RNASEH2B: variants seen among roughly 807,000 people sequenced by gnomAD.
RNASEH2B encodes the protein ribonuclease H2 subunit B.
A neutral mutation model predicts 45.0 loss-of-function variants in RNASEH2B; 36 were observed. The ratio of observed to expected loss-of-function variants is 0.80; its 90% CI spans 0.61 to 1.06. RNASEH2B has a LOEUF of 1.06. RNASEH2B is among the 50% of genes least tolerant of loss of function. The probability of loss-of-function intolerance (pLI) is 0.00; values close to 1 mark genes in which losing one functional copy is unlikely to be tolerated. For missense variants in RNASEH2B, 361 were observed against 360.3 expected, an observed-to-expected ratio of 1.00 and a Z score of -0.02; for synonymous variants, 119 against 125.7, an observed-to-expected ratio of 0.95 and a Z score of 0.35.
chr13:50,948,054 A>C lies in RNASEH2B; in HGVS notation c.684A>C (p.Leu228Phe). Residue 228 changes from leucine to phenylalanine, a missense_variant, in exon 8 of 11, where the codon TTA becomes TTC. By Grantham distance (22) the Leu-to-Phe change is conservative. Coordinates refer to ENST00000336617, the MANE Select transcript of RNASEH2B (RefSeq NM_024570.4). Reference protein sequence around the residue: ...DYIPKELSDDLSKYLKLPEPS... With the variant: ...DYIPKELSDDFSKYLKLPEPS... ...TCCCTAAAGAATTAAGTGATGACTT[A>C]TCTAAATACTTAAAGTGAGTATTGA... is the stretch of plus-strand genomic sequence containing the variant. 6.2e-7 allele frequency: 1 copy of C among 1,611,366 alleles called. No individual in the cohort carries two copies. The highest frequency in any genetic ancestry group is 8.5e-7 in the Non-Finnish European group (1 of 1,179,200).
At chr13:50,913,526 T>G (rs943013208) in intron 1 of RNASEH2B, among the ~76,000 whole-genome samples, 1 of 151,820 alleles carries the variant, frequency 6.6e-6, no homozygotes, top group African/African-American at 2.4e-5. Flanking sequence ...TCAGGCCTGT[T>G]AAAACAAAAC....
intron 6 of RNASEH2B, among the ~76,000 whole-genome samples, chr13:50,944,255 G>A (rs1241974827): frequency 1.3e-5 from 2 of 152,056 alleles, no homozygotes; most frequent in Admixed American, 6.5e-5. Context: ...TAAGAATCTC[G>A]CTAAACCATA....
chr13:50,960,406 G>A (rs1398868648), downstream of RNASEH2B, among the ~76,000 whole-genome samples: 5 of 152,016 alleles, frequency 3.3e-5, no homozygotes, highest in Non-Finnish European at 5.9e-5. Context: ...AATAATAGCC[G>A]TCTTTGTCTA....
At chr13:50,946,822 T>C (rs1023886184) in intron 7 of RNASEH2B, among the ~76,000 whole-genome samples, 29 of 152,156 alleles carry the variant, frequency 1.9e-4, no homozygotes, top group Admixed American at 1.5e-3. Flanking sequence ...TTTAGATATT[T>C]AGGTTGGTTT....
Position 50,927,426 on chromosome 13 carries a change from A to T in RNASEH2B, c.84A>T (p.Ser28=). ...FLVSEYLKDA[S]KKMKNGLMFV... Reference sequence around the variant, plus strand: ...TTTCAGAATATTTAAAAGATGCTTCAAAGAAGATGAAAAATGGGCTAATGT... The same window carrying T: ...TTTCAGAATATTTAAAAGATGCTTCTAAGAAGATGAAAAATGGGCTAATGT... Residue 28 remains serine, a synonymous_variant, in exon 2 of 11, where the codon TCA becomes TCT. Coordinates refer to ENST00000336617, the MANE Select transcript of RNASEH2B (RefSeq NM_024570.4). 1 of 1,596,508 alleles carries T rather than the reference A, an allele frequency of 6.3e-7. No individual in the cohort carries two copies. The highest frequency in any genetic ancestry group is 8.6e-7 in the Non-Finnish European group (1 of 1,164,204).
At chr13:50,968,768 G>A (rs1952190288) in intron 9 of RNASEH2B, among the ~76,000 whole-genome samples, 1 of 152,186 alleles carries the variant, frequency 6.6e-6, no homozygotes, top group African/African-American at 2.4e-5. Flanking sequence ...ACATTTGCAT[G>A]TCAAATCTTT....
At chr13:50,943,529 C>A in intron 6 of RNASEH2B, 135 bp downstream of exon 6, 1 of 703,010 alleles carries the variant, frequency 1.4e-6, no homozygotes, top group Non-Finnish European at 2.6e-6. Flanking sequence ...TGTAGAGATA[C>A]CAAGTATGAG....
chr13:50,953,740 G>A, intron 9 of RNASEH2B, 165 bp from the exon 10 acceptor site: 1 of 627,058 alleles, frequency 1.6e-6, no homozygotes, highest in Admixed American at 2.7e-5. Flanking sequence ...TTCCCTAGAT[G>A]ATTGGCAAAA....
chr13:50,912,892 T>C (rs775847165), intron 1 of RNASEH2B: 1 of 152,232 alleles, frequency 6.6e-6, no homozygotes, highest in Non-Finnish European at 1.5e-5. Flanking sequence ...GATACTTTTT[T>C]CCAACATTTA....
chr13:50,960,962 CT>C (rs1401203966), downstream of RNASEH2B, among the ~76,000 whole-genome samples: 1 of 152,094 alleles, frequency 6.6e-6, no homozygotes, highest in Non-Finnish European at 1.5e-5. Flanking sequence ...CTTTGTCTTA[CT>C]TGACATTTTT....
At chr13:50,929,377 G>T in intron 2 of RNASEH2B, 98 bp from the exon 3 acceptor site, 1 of 772,518 alleles carries the variant, frequency 1.3e-6, no homozygotes, top group South Asian at 1.4e-5. Context: ...TTCATATTAG[G>T]AACATTCGTC....
exon 10 of RNASEH2B, chr13:50,969,959 A>C (rs1392793824): frequency 6.4e-7 from 1 of 1,551,634 alleles, no homozygotes; most frequent in East Asian, 2.4e-5. Context: ...GAAAAGGGGC[A>C]AGTGATGGTG....
chr13:50,945,652 TCA>T (rs1263202329), intron 7 of RNASEH2B, 120 bp downstream of exon 7: 25 of 710,984 alleles, frequency 3.5e-5, no homozygotes, highest in Admixed American at 8.0e-5. Flanking sequence ...TACCAATGCC[TCA>T]TACACATTGT....
chr13:50,927,844 A>G (rs568719913), intron 2 of RNASEH2B, among the ~76,000 whole-genome samples: 1 of 152,272 alleles, frequency 6.6e-6, no homozygotes, highest in South Asian at 2.1e-4. Flanking sequence ...TTTATCTTAT[A>G]AAGTAAAATA....
At chr13:50,962,121 C>CT (rs1324134370) in intron 9 of RNASEH2B, among the ~76,000 whole-genome samples, 1 of 151,776 alleles carries the variant, frequency 6.6e-6, no homozygotes. Flanking sequence ...TTGTTAAGTA[C>CT]TTTTTTGTAT....
At chr13:50,970,416 A>G (rs1430450336) in exon 10 of RNASEH2B, 2 of 280,196 alleles carry the variant, frequency 7.1e-6, no homozygotes, top group African/African-American at 4.5e-5. Context: ...AAACGTTGGC[A>G]TTTTATCTCT....
In RNASEH2B at chr13:50,929,416, G is replaced by T. The variant is rs1334393903; in HGVS notation, c.137-59G>T. On this transcript the variant is annotated intron_variant, in intron 2 of 10. Coordinates refer to ENST00000336617, the MANE Select transcript of RNASEH2B (RefSeq NM_024570.4). ...GATACTGGATAGTCTTTTGGGGTGTGTGTGTGTTTGTGTGTGTGTGTGAAA... is the reference window on the plus strand; with the variant it reads ...GATACTGGATAGTCTTTTGGGGTGTTTGTGTGTTTGTGTGTGTGTGTGAAA... The T allele has an allele frequency of 4.1e-6, 4 of 976,764 alleles. No homozygotes were observed. In the Admixed American group the frequency reaches 7.0e-5, roughly 17 times the overall value. 60.5% of individuals were successfully genotyped at this position (976,764 alleles called of 1,614,324 possible).
downstream of RNASEH2B, among the ~76,000 whole-genome samples, chr13:50,961,061 G>A (rs1420357315): frequency 1.3e-5 from 2 of 152,124 alleles, no homozygotes; most frequent in Non-Finnish European, 2.9e-5. Context: ...GGCACCTCCA[G>A]GAGTAATATG....
At chr13:50,946,954 G>T (rs1331676603) in intron 7 of RNASEH2B, among the ~76,000 whole-genome samples, 1 of 152,172 alleles carries the variant, frequency 6.6e-6, no homozygotes, top group Non-Finnish European at 1.5e-5. Context: ...AGGGTCAAAT[G>T]ATAACTTTCA....
Sources: gnomAD v4.1 joint callset for allele counts (sites outside exome capture counted in the v4.1 genomes callset) on GRCh38, gnomAD v4.1.1 for gene constraint, MANE v1.5 for transcripts, NCBI Gene and HGNC (gene_info 2026-07-23, HGNC 2026-07-21) for gene names.